The following PLEKHG5 variants were observed in gnomAD, a reference collection of about 807,000 sequenced individuals.
PLEKHG5 encodes the protein pleckstrin homology and RhoGEF domain containing G5.
PLEKHG5 carries 52 observed loss-of-function variants against 103.8 expected under a neutral mutation model. That is an observed-to-expected ratio of 0.50 (90% CI 0.40 to 0.63). The LOEUF (loss-of-function observed/expected upper bound fraction) is 0.63, where lower values mean the gene tolerates loss of function less well. Ranked by LOEUF, PLEKHG5 falls within the 30% of genes least tolerant of loss-of-function variation. PLEKHG5 has a pLI of 0.00. For synonymous variants in PLEKHG5, 592 were observed against 575.5 expected, an observed-to-expected ratio of 1.03 and a Z score of -0.41; for missense variants, 1,205 against 1,347.6, an observed-to-expected ratio of 0.89 and a Z score of 1.66.
At chr1:6,514,686 G>A (rs1168000515) in intron 1 of PLEKHG5, among the ~76,000 whole-genome samples, 2 of 150,648 alleles carry the variant, frequency 1.3e-5, no homozygotes, top group East Asian at 2.0e-4. Context: ...GCTTGAACCC[G>A]GGAGGCGGAG....
At chr1:6,515,892 G>A (rs1638598539) in intron 1 of PLEKHG5, among the ~76,000 whole-genome samples, 1 of 152,148 alleles carries the variant, frequency 6.6e-6, no homozygotes, top group Non-Finnish European at 1.5e-5. Flanking sequence ...ACCACATAAG[G>A]AGTCACCTGA....
At chr1:6,508,299 G>A (rs1048522019) in intron 1 of PLEKHG5, among the ~76,000 whole-genome samples, 11 of 152,172 alleles carry the variant, frequency 7.2e-5, no homozygotes, top group Non-Finnish European at 1.2e-4. Flanking sequence ...TGACCACACG[G>A]AGCATCATCT....
In PLEKHG5 at chr1:6,468,134, C is replaced by T. The variant is rs1372395647; in HGVS notation, c.2702G>A (p.Ser901Asn). 6.4e-7 allele frequency: 1 copy of T among 1,572,580 alleles called. No homozygotes were observed. The highest frequency in any genetic ancestry group is 1.2e-5 in the South Asian group (1 of 84,702). ...AACAGCCAGGCAGAGCTCTGACAGG[C>T]TGCGGCTGGGGGCAGAGGGTGTCCC... ...THGTPSAPSR[S>N]LSELCLAVPA... Residue 901 changes from serine (S) to asparagine (N), a missense_variant, in exon 20 of 21, where the codon AGC becomes AAC. Physicochemically the swap from Ser to Asn is conservative, Grantham distance 46. Coordinates refer to ENST00000377728, the MANE Select transcript of PLEKHG5 (RefSeq NM_020631.6).
At chr1:6,510,538 T>C (rs1394220298) in intron 1 of PLEKHG5, among the ~76,000 whole-genome samples, 1 of 152,038 alleles carries the variant, frequency 6.6e-6, no homozygotes, top group Non-Finnish European at 1.5e-5. Flanking sequence ...TGCAGTGAGC[T>C]GAGATCATGC....
Position 6,478,174 on chromosome 1 carries a change from G to A in PLEKHG5, c.-87-516C>T, listed in dbSNP as rs576656583. Among the ~76,000 whole-genome samples the A allele has an allele frequency of 6.0e-4, 91 of 151,962 alleles. 1 individual carries two copies. Among genetic ancestry groups the A allele is most frequent in the Non-Finnish European group, 1.2e-3 (79 of 68,006 alleles). On this transcript the variant is annotated intron_variant, in intron 1 of 20. Transcript: ENST00000377728. ...GCTGGGATTACAGGCGTGAGCCACCGCGCCCGGCTTCTCCATCTTTTTTTT... is the reference window on the plus strand; with the variant it reads ...GCTGGGATTACAGGCGTGAGCCACCACGCCCGGCTTCTCCATCTTTTTTTT...
At chr1:6,519,358 G>A in intron 1 of PLEKHG5, 1 of 1,022,012 alleles carries the variant, frequency 9.8e-7, no homozygotes, top group Non-Finnish European at 1.6e-6. Flanking sequence ...TGAGTCCTTG[G>A]AGCCCTCCAA....
intron 1 of PLEKHG5, among the ~76,000 whole-genome samples, chr1:6,481,916 C>T (rs1357056919): frequency 1.3e-5 from 2 of 150,150 alleles, no homozygotes; most frequent in East Asian, 1.9e-4. Flanking sequence ...TCTTTTATGA[C>T]ATTGACTTTT....
At chr1:6,474,421 C>A in intron 6 of PLEKHG5, 30 bp downstream of exon 6, 1 of 1,612,662 alleles carries the variant, frequency 6.2e-7, no homozygotes, top group Non-Finnish European at 8.5e-7. Flanking sequence ...CCAGTCCCAG[C>A]GGCCCCATTT....
chr1:6,471,542 C>G lies in PLEKHG5; in HGVS notation c.1227G>C (p.Ala409=), dbSNP rs1004728643. 4 of 1,608,750 alleles carry G rather than the reference C, an allele frequency of 2.5e-6. No homozygotes were observed. The African/African-American group carries it at 5.3e-5, about 21-fold the overall frequency. The change falls in exon 12 of 21, where the codon GCG becomes GCC. Residue 409 remains alanine, a synonymous_variant. Coordinates refer to ENST00000377728, the MANE Select transcript of PLEKHG5 (RefSeq NM_020631.6). ...ASVMAPVLEK[A]RRTRALLQPG... is the part of the protein sequence containing the mutation. Reference sequence around the variant, plus strand: ...GCTGTAGCAGCGCTCGCGTGCGCCGCGCCTTCTCCAGCACCGGCGCCATCA... The same window carrying G: ...GCTGTAGCAGCGCTCGCGTGCGCCGGGCCTTCTCCAGCACCGGCGCCATCA...
At chr1:6,503,978 C>T (rs1012415529) in intron 1 of PLEKHG5, among the ~76,000 whole-genome samples, 5 of 152,240 alleles carry the variant, frequency 3.3e-5, no homozygotes, top group African/African-American at 9.6e-5. Context: ...CCTCTGCAGA[C>T]GGCGAGCAGC....
chr1:6,468,098 C>A lies in PLEKHG5; in HGVS notation c.2738G>T (p.Gly913Val). Reference protein sequence around the residue: ...SELCLAVPAPGIRTQGSPQEA... With the variant: ...SELCLAVPAPVIRTQGSPQEA... ...CTGAGGGGAGCCCTGAGTCCTAATA[C>A]CTGGGGCTGGAACAGCCAGGCAGAG... Residue 913 changes from glycine (G) to valine (V), a missense_variant, in exon 20 of 21, where the codon GGT becomes GTT. Gly to Val is a moderately radical substitution (Grantham distance 109). Transcript: ENST00000377728. 2 of 1,585,368 alleles carry A rather than the reference C, an allele frequency of 1.3e-6. No individual in the cohort carries two copies. Among genetic ancestry groups the A allele is most frequent in the Non-Finnish European group, 1.7e-6 (2 of 1,166,586 alleles).
chr1:6,485,343 G>C lies in PLEKHG5; in HGVS notation c.-88+6294C>G, dbSNP rs911907373. On this transcript the variant is annotated intron_variant, in intron 1 of 20. Coordinates refer to ENST00000377728, the MANE Select transcript of PLEKHG5 (RefSeq NM_020631.6). ...CCGTACCTGGCTATCACCGTCGCGG[G>C]CACGACCCCCGGCCCAGGAGGGCTC... The C allele has an allele frequency of 2.8e-6, 4 of 1,429,164 alleles. No individual in the cohort carries two copies. The South Asian group carries it at 5.7e-5, about 20-fold the overall frequency. 88.5% of individuals were successfully genotyped at this position (1,429,164 alleles called of 1,614,324 possible).
At chr1:6,485,523 C>G in intron 1 of PLEKHG5, 1 of 1,219,866 alleles carries the variant, frequency 8.2e-7, no homozygotes, top group Non-Finnish European at 1.0e-6. Flanking sequence ...TGCGGCCGCG[C>G]CCGCCCCCGC....
intron 10 of PLEKHG5, 30 bp downstream of exon 10, chr1:6,472,497 G>A: frequency 1.4e-6 from 2 of 1,478,536 alleles, no homozygotes; most frequent in Non-Finnish European, 1.9e-6. Flanking sequence ...GGGCAGGGTG[G>A]CCACGGGGAC....
chr1:6,505,660 CCAGAA>C lies in PLEKHG5; in HGVS notation c.-164-9096_-164-9092del. The stretch of plus-strand genomic sequence containing the variant: ...TCCTGGGACCTGGAACGTGAATGTT[CCAGAA>C]CATCTCATTACACCACCCAGCCCTG... On this transcript the variant is annotated intron_variant, in intron 1 of 21. Coordinates refer to the PLEKHG5 transcript ENST00000377740. The surrounding 1 kb of genome is among the most constrained non-coding windows in gnomAD (Gnocchi z 4.2). Among the ~76,000 whole-genome samples, 1 of 152,342 alleles carries C rather than the reference CCAGAA, an allele frequency of 6.6e-6. No individual in the cohort carries two copies. The highest frequency in any genetic ancestry group is 6.5e-5 in the Admixed American group (1 of 15,296).
intron 2 of PLEKHG5, among the ~76,000 whole-genome samples, chr1:6,477,242 G>A (rs1458512899): frequency 1.3e-5 from 2 of 152,266 alleles, no homozygotes; most frequent in Admixed American, 6.5e-5. Flanking sequence ...TAGAAAGAAA[G>A]GGGCCTTCTC....
Position 6,476,010 on chromosome 1 carries a change from T to C in PLEKHG5, c.70A>G (p.Thr24Ala). The part of the protein sequence containing the change: ...QGSVLARNVS[T>A]RSCPPRTSPA... ...CTGGTGCGCGGCGGGCATGACCGGG[T>C]GGACACGTTCCGGGCCAGCACAGAG... The change falls in exon 3 of 21, where the codon ACC becomes GCC. Residue 24 changes from threonine (T) to alanine (A), a missense_variant. By Grantham distance (58) the Thr-to-Ala change is moderately conservative. Coordinates refer to ENST00000377728, the MANE Select transcript of PLEKHG5 (RefSeq NM_020631.6). 3 of 1,613,506 alleles carry C rather than the reference T, an allele frequency of 1.9e-6. No homozygotes were observed. The highest frequency in any genetic ancestry group is 2.7e-5 in the African/African-American group (2 of 75,030).
At chr1:6,485,244 T>A (rs1644999303) in intron 1 of PLEKHG5, 1 of 967,302 alleles carries the variant, frequency 1.0e-6, no homozygotes, top group Non-Finnish European at 1.4e-6. Context: ...ACCCCCTCCC[T>A]GGCCTCCCGC....
At chr1:6,479,281 CCTTTTTTT>C (rs1473314299) in intron 1 of PLEKHG5, among the ~76,000 whole-genome samples, 1 of 145,948 alleles carries the variant, frequency 6.9e-6, no homozygotes, top group Admixed American at 6.8e-5. Flanking sequence ...GTCTGTTTAT[CCTTTTTTT>C]TTTTTTTTTT....
Sources: allele counts gnomAD v4.1 joint callset (sites outside exome capture counted in the v4.1 genomes callset), GRCh38; gene constraint gnomAD v4.1.1; non-coding constraint Gnocchi (gnomAD v3.1); transcripts MANE v1.5; gene names NCBI Gene and HGNC (gene_info 2026-07-23, HGNC 2026-07-21).